The following KLF8 variants were observed in gnomAD, a reference collection of about 807,000 sequenced individuals.
KLF8 encodes the protein Krueppel-like factor 8.
In KLF8, 10 loss-of-function variants were observed where a neutral mutation model predicts 18.2. The observed-to-expected ratio is 0.55, with a 90% CI of 0.34 to 0.93. KLF8 has a LOEUF of 0.93. KLF8 is among the 40% of genes least tolerant of loss of function. The probability of loss-of-function intolerance (pLI) is 0.02; values close to 1 mark genes in which losing one functional copy is unlikely to be tolerated. For synonymous variants in KLF8, 109 were observed against 97.3 expected, an observed-to-expected ratio of 1.12 and a Z score of -0.71; for missense variants, 264 against 277.9, an observed-to-expected ratio of 0.95 and a Z score of 0.36.
the KLF8 span, among the ~76,000 whole-genome samples, chrX:56,080,351 C>T: frequency 9.0e-5 from 10 of 110,897 alleles, no homozygotes; most frequent in Non-Finnish European, 1.9e-5. Flanking sequence ...CTGGTGGTGA[C>T]AAAATCTCTC....
chrX:56,002,472 T>A, the KLF8 span, among the ~76,000 whole-genome samples: 1 of 109,873 alleles, frequency 9.1e-6, no homozygotes, highest in Non-Finnish European at 1.9e-5. Flanking sequence ...TCTACCTTCC[T>A]CCAGTAGACT....
At chrX:56,201,554 A>G in the KLF8 span, among the ~76,000 whole-genome samples, 1 of 111,560 alleles carries the variant, frequency 9.0e-6, no homozygotes, top group Non-Finnish European at 1.9e-5. Context: ...TATACTTATC[A>G]GTACTGTATT....
chrX:56,067,414 G>A, the KLF8 span, among the ~76,000 whole-genome samples: 4 of 110,254 alleles, frequency 3.6e-5, no homozygotes, highest in Non-Finnish European at 7.6e-5. Flanking sequence ...GAGTAATTGG[G>A]TCATTTTTAC....
the KLF8 span, among the ~76,000 whole-genome samples, chrX:56,166,088 A>T: frequency 9.1e-6 from 1 of 110,254 alleles, no homozygotes; most frequent in Non-Finnish European, 1.9e-5. Context: ...ATTCAATAAA[A>T]ATAGCATCTA....
chrX:55,946,716 A>G, the KLF8 span, among the ~76,000 whole-genome samples: 11 of 111,686 alleles, frequency 9.8e-5, no homozygotes, highest in Non-Finnish European at 1.7e-4. Context: ...AAAATGGGAG[A>G]AAATTTTCGC....
the KLF8 span, among the ~76,000 whole-genome samples, chrX:56,080,530 A>T: frequency 9.0e-6 from 1 of 111,460 alleles, no homozygotes; most frequent in Non-Finnish European, 1.9e-5. Flanking sequence ...TGTTAGTCTG[A>T]TGGGCTTCCC....
At chrX:56,198,070 G>T in the KLF8 span, among the ~76,000 whole-genome samples, 1 of 111,961 alleles carries the variant, frequency 8.9e-6, no homozygotes, top group African/African-American at 3.2e-5. Flanking sequence ...AATAAACTAG[G>T]TAATGATGGG....
chrX:55,992,949 A>T, the KLF8 span, among the ~76,000 whole-genome samples: 2 of 111,465 alleles, frequency 1.8e-5, no homozygotes, highest in African/African-American at 6.5e-5. Context: ...CATTCACTTT[A>T]TACCTTGAAA....
intron 3 of KLF8, chrX:56,268,945 C>T (rs2067008062): frequency 2.1e-6 from 2 of 946,527 alleles, no homozygotes; most frequent in Non-Finnish European, 2.7e-6. Flanking sequence ...GTTCTCACAT[C>T]TGGACTAATC....
the KLF8 span, among the ~76,000 whole-genome samples, chrX:55,953,815 A>G: frequency 9.0e-6 from 1 of 111,098 alleles, no homozygotes. Flanking sequence ...ATAATTATGT[A>G]AAGAGCAAAA....
the KLF8 span, among the ~76,000 whole-genome samples, chrX:56,159,912 A>G: frequency 3.6e-5 from 4 of 110,457 alleles, no homozygotes; most frequent in African/African-American, 9.9e-5. Flanking sequence ...GATCTTAGTT[A>G]TTTCTTGCCT....
chrX:56,035,760 T>G, the KLF8 span, among the ~76,000 whole-genome samples: 1 of 112,234 alleles, frequency 8.9e-6, no homozygotes, highest in African/African-American at 3.2e-5. Flanking sequence ...TTTATATGTC[T>G]TCTTTTGAGA....
intron 1 of KLF8, among the ~76,000 whole-genome samples, chrX:56,241,456 C>T (rs778253778): frequency 8.0e-5 from 9 of 111,988 alleles, no homozygotes; most frequent in South Asian, 3.8e-4. Flanking sequence ...CATGAGCCAC[C>T]GCACCCAGTC....
chrX:56,149,299 A>G, the KLF8 span, among the ~76,000 whole-genome samples: 1 of 112,138 alleles, frequency 8.9e-6, no homozygotes, highest in Admixed American at 9.5e-5. Flanking sequence ...GCATTCATCT[A>G]ATGTTATTGC....
the KLF8 span, among the ~76,000 whole-genome samples, chrX:56,083,321 A>G: frequency 8.9e-6 from 1 of 112,318 alleles, no homozygotes; most frequent in African/African-American, 3.2e-5. Context: ...TAACATTAAC[A>G]TGTATCTCAT....
chrX:55,939,508 G>A, the KLF8 span, among the ~76,000 whole-genome samples: 1 of 111,528 alleles, frequency 9.0e-6, no homozygotes, highest in African/African-American at 3.3e-5. Context: ...CTAGCAGAAG[G>A]CAAGAAATAA....
At chrX:56,103,961 T>G in the KLF8 span, among the ~76,000 whole-genome samples, 2 of 111,696 alleles carry the variant, frequency 1.8e-5, no homozygotes, top group Non-Finnish European at 3.8e-5. Context: ...CTGCATCTAT[T>G]GAGATAACCA....
At chrX:56,045,273 A>G in the KLF8 span, among the ~76,000 whole-genome samples, 1 of 112,068 alleles carries the variant, frequency 8.9e-6, no homozygotes, top group Non-Finnish European at 1.9e-5. Context: ...TATTTTTACC[A>G]GTACCATGCT....
the KLF8 span, among the ~76,000 whole-genome samples, chrX:56,218,788 T>C: frequency 8.9e-6 from 1 of 112,077 alleles, no homozygotes; most frequent in Non-Finnish European, 1.9e-5. Flanking sequence ...TGTAAAAGGC[T>C]TTTTGAGGAT....
Sources: allele counts gnomAD v4.1 joint callset (sites outside exome capture counted in the v4.1 genomes callset), GRCh38; gene constraint gnomAD v4.1.1; transcripts MANE v1.5; gene names NCBI Gene and HGNC (gene_info 2026-07-23, HGNC 2026-07-21).